The following TCF7L2 variants were observed in gnomAD, a reference collection of about 807,000 sequenced individuals.
TCF7L2 encodes transcription factor 7 like 2, also known as transcription factor 7-like 2.
TCF7L2 carries 23 observed loss-of-function variants against 77.9 expected under a neutral mutation model. That is an observed-to-expected ratio of 0.30 (90% CI 0.21 to 0.42). The LOEUF is 0.42. Among genes scored for constraint, TCF7L2 ranks in the 10% least tolerant of loss-of-function variants. The probability of loss-of-function intolerance (pLI) is 1.00; values close to 1 mark genes in which losing one functional copy is unlikely to be tolerated. For synonymous variants in TCF7L2, 413 were observed against 340.2 expected (o/e 1.21, Z -2.36); for missense variants, 654 against 793.1 (o/e 0.82, Z 2.11).
intron 5 of TCF7L2, among the ~76,000 whole-genome samples, chr10:113,132,470 C>T (rs962840447): frequency 6.6e-6 from 1 of 152,186 alleles, no homozygotes; most frequent in Admixed American, 6.5e-5. Context: ...AAAATTTACT[C>T]TAAATCAAAA....
At chr10:113,002,698 G>A (rs938685550) in intron 4 of TCF7L2, among the ~76,000 whole-genome samples, 1 of 152,148 alleles carries the variant, frequency 6.6e-6, no homozygotes, top group Non-Finnish European at 1.5e-5. Flanking sequence ...CTTAGAACTA[G>A]CAGGAAAAGA....
chr10:113,064,284 G>T (rs1463427034), intron 5 of TCF7L2, among the ~76,000 whole-genome samples: 1 of 152,196 alleles, frequency 6.6e-6, no homozygotes, highest in Non-Finnish European at 1.5e-5. Context: ...AATGGTGGCT[G>T]CAGAGGTATT....
At chr10:113,107,533 G>A (rs138591047) in intron 5 of TCF7L2, among the ~76,000 whole-genome samples, 58 of 151,446 alleles carry the variant, frequency 3.8e-4, no homozygotes, top group Non-Finnish European at 6.3e-4. Flanking sequence ...CACGAGGTCA[G>A]GAAATCGAGA....
In TCF7L2 at chr10:113,062,475, C is replaced by T. The variant is rs190755811; in HGVS notation, c.552+22349C>T. ...GGAACAGAAGTTAATGTTTTCCTGA[C>T]GTAGAAGTTTCTCTTGCTGCTTCTG... On this transcript the variant is annotated intron_variant, in intron 5 of 13. Coordinates refer to ENST00000627217, the MANE Select transcript of TCF7L2 (RefSeq NM_001146274.2). Among the ~76,000 whole-genome samples the T allele has an allele frequency of 4.7e-3, 715 of 152,206 alleles. 5 individuals carry two copies. The highest frequency in any genetic ancestry group is 6.2e-3 in the Non-Finnish European group (423 of 68,020).
At chr10:113,024,173 C>T (rs2048717564) in intron 4 of TCF7L2, among the ~76,000 whole-genome samples, 1 of 152,044 alleles carries the variant, frequency 6.6e-6, no homozygotes, top group Admixed American at 6.5e-5. Flanking sequence ...TGGGATGCAT[C>T]TGTAGTCCCA....
At position 113,047,356 on chromosome 10, in the gene TCF7L2, C is replaced by T. The variant is rs78276613; in HGVS notation, c.552+7230C>T. On this transcript the variant is annotated intron_variant, in intron 5 of 13. Transcript: ENST00000627217. ...TCTGGGGAATTTAACAACAAAAAAA[C>T]TTTAGGCTTCTTTGGAGAGAGACAT... is the stretch of plus-strand genomic sequence containing the variant. Among the ~76,000 whole-genome samples the T allele has an allele frequency of 2.8e-3, 423 of 152,212 alleles. 7 individuals carry two copies. The highest frequency in any genetic ancestry group is 8.9e-3 in the Admixed American group (136 of 15,286).
In TCF7L2 at chr10:113,061,790, G is replaced by A. The variant is rs1020833212; in HGVS notation, c.552+21664G>A. Among the ~76,000 whole-genome samples, 10 of 152,136 alleles carry A rather than the reference G, an allele frequency of 6.6e-5. No homozygotes were observed. In the South Asian group the frequency reaches 1.7e-3, roughly 25 times the overall value. Reference sequence around the variant, plus strand: ...GACAAAGGGAATTCCCAGTTTGTTCGCTGGCGAACGCACTAGCAGGTGAGG... The same window carrying A: ...GACAAAGGGAATTCCCAGTTTGTTCACTGGCGAACGCACTAGCAGGTGAGG... On this transcript the variant is annotated intron_variant, in intron 5 of 13. Transcript: ENST00000627217.
At chr10:113,140,177 G>A (rs956920911) in intron 5 of TCF7L2, among the ~76,000 whole-genome samples, 1 of 152,056 alleles carries the variant, frequency 6.6e-6, no homozygotes. Flanking sequence ...TAGTTCGCTT[G>A]TTTCAGCTTA....
At chr10:113,046,226 A>T (rs995205872) in intron 5 of TCF7L2, among the ~76,000 whole-genome samples, 1 of 152,160 alleles carries the variant, frequency 6.6e-6, no homozygotes. Flanking sequence ...ATATCCCATC[A>T]AGAAGGATTG....
At chr10:113,094,991 A>T (rs1323386643) in intron 5 of TCF7L2, among the ~76,000 whole-genome samples, 1 of 152,210 alleles carries the variant, frequency 6.6e-6, no homozygotes. Flanking sequence ...ACGTGGTCCC[A>T]GCTACTCGGG....
intron 5 of TCF7L2, among the ~76,000 whole-genome samples, chr10:113,063,810 G>A (rs780050097): frequency 6.6e-6 from 1 of 152,052 alleles, no homozygotes; most frequent in African/African-American, 2.4e-5. Flanking sequence ...CGAGAGATCT[G>A]GTAAATGTTA....
In TCF7L2 at chr10:112,950,502, C is replaced by T. The variant is rs2030675949; in HGVS notation, c.-255C>T. On this transcript the variant is annotated 5_prime_UTR_variant, in exon 1 of 14. Transcript: ENST00000627217. ...ATTTATTATTTTTTTGCACATTGAT[C>T]GGATCCTTGGGAACGAGAGAAAAAA... is the stretch of plus-strand genomic sequence containing the variant. 3.1e-5 allele frequency: 9 copies of T among 290,708 alleles called. No individual in the cohort carries two copies. In the South Asian group the frequency reaches 4.3e-4, roughly 14 times the overall value. 18.0% of individuals were successfully genotyped at this position (290,708 alleles called of 1,614,324 possible). A position where few individuals can be genotyped will look rare whatever the true frequency, so the allele number is the denominator to read the frequency against.
intron 5 of TCF7L2, among the ~76,000 whole-genome samples, chr10:113,134,513 C>A (rs1443388725): frequency 1.3e-5 from 2 of 152,228 alleles, no homozygotes; most frequent in Non-Finnish European, 2.9e-5. Context: ...ACCACCCTCA[C>A]AGGCTGGAAA....
At chr10:113,110,733 G>A (rs1403147248) in intron 5 of TCF7L2, among the ~76,000 whole-genome samples, 1 of 152,176 alleles carries the variant, frequency 6.6e-6, no homozygotes, top group East Asian at 1.9e-4. Context: ...CTAAAATTAA[G>A]TATGGAAGTA....
At chr10:113,080,049 CAT>C (rs1450043378) in intron 5 of TCF7L2, among the ~76,000 whole-genome samples, 1 of 151,974 alleles carries the variant, frequency 6.6e-6, no homozygotes, top group African/African-American at 2.4e-5. Flanking sequence ...TACACACACA[CAT>C]GCACCACAGA....
At chr10:113,004,828 A>G (rs779447194) in intron 4 of TCF7L2, among the ~76,000 whole-genome samples, 6 of 152,058 alleles carry the variant, frequency 3.9e-5, no homozygotes, top group African/African-American at 9.7e-5. Context: ...ACCCGCCACC[A>G]TGCCCGGCTA....
At chr10:113,141,415 G>A (rs2136855340) in intron 6 of TCF7L2, 99 bp downstream of exon 6, 1 of 1,523,468 alleles carries the variant, frequency 6.6e-7, no homozygotes, top group South Asian at 1.3e-5. Flanking sequence ...GAGCAGTAGG[G>A]GACTTTGGGG....
chr10:113,071,855 C>A (rs914021059), intron 5 of TCF7L2, among the ~76,000 whole-genome samples: 2 of 152,194 alleles, frequency 1.3e-5, no homozygotes, highest in Non-Finnish European at 2.9e-5. Flanking sequence ...CCCCCCCACC[C>A]CCCATGAGTG....
intron 5 of TCF7L2, among the ~76,000 whole-genome samples, chr10:113,089,011 T>G (rs1414318267): frequency 6.6e-6 from 1 of 152,144 alleles, no homozygotes; most frequent in Non-Finnish European, 1.5e-5. Flanking sequence ...ATTGTATTTT[T>G]GTAGGACAGA....
Sources: gnomAD v4.1 joint callset for allele counts (sites outside exome capture counted in the v4.1 genomes callset) on GRCh38, gnomAD v4.1.1 for gene constraint, MANE v1.5 for transcripts, NCBI Gene and HGNC (gene_info 2026-07-23, HGNC 2026-07-21) for gene names.